ERGIC1: variants seen among roughly 807,000 people sequenced by gnomAD.
The protein encoded by ERGIC1 is endoplasmic reticulum-golgi intermediate compartment 1.
In ERGIC1, 19 loss-of-function variants were observed where a neutral mutation model predicts 38.3. That is an observed-to-expected ratio of 0.50 (90% CI 0.35 to 0.73). ERGIC1 has a LOEUF of 0.73. Among genes scored for constraint, ERGIC1 ranks in the 30% least tolerant of loss-of-function variants. ERGIC1 has a pLI of 0.01. For synonymous variants in ERGIC1, 124 were observed against 157.6 expected, an observed-to-expected ratio of 0.79 and a Z score of 1.60; for missense variants, 294 against 389.2, an observed-to-expected ratio of 0.76 and a Z score of 2.06.
intron 1 of ERGIC1, among the ~76,000 whole-genome samples, chr5:172,851,940 A>T (rs1406303360): frequency 5.3e-5 from 8 of 152,060 alleles, no homozygotes; most frequent in Non-Finnish European, 7.4e-5. Context: ...GTCCATCCCA[A>T]GTAGGAGATT....
chr5:172,941,233 T>G (rs1370052313), intron 9 of ERGIC1, among the ~76,000 whole-genome samples: 3 of 151,442 alleles, frequency 2.0e-5, no homozygotes, highest in Non-Finnish European at 4.4e-5. Context: ...GCCACTGCAC[T>G]CCAGCTCTGT....
Position 172,947,861 on chromosome 5 carries a change from G to T in ERGIC1, c.766-2848G>T, listed in dbSNP as rs555937821. 1.6e-3 allele frequency among the ~76,000 whole-genome samples: 233 copies of T among 148,274 alleles called. 1 individual carries two copies. Among genetic ancestry groups the T allele is most frequent in the African/African-American group, 5.6e-3 (226 of 40,104 alleles). On this transcript the variant is annotated intron_variant, in intron 9 of 9. Transcript: ENST00000393784. ...TTTGGGTTCCAAATTGTGTGTAGAT[G>T]AATACAGATGTGTTTTGTGTGTGTG...
chr5:172,926,424 G>A lies in ERGIC1; in HGVS notation c.481-85G>A. 6 of 1,458,764 alleles carry A rather than the reference G, an allele frequency of 4.1e-6. No individual in the cohort carries two copies. In the South Asian group the frequency reaches 6.8e-5, roughly 17 times the overall value. 90.4% of individuals were successfully genotyped at this position (1,458,764 alleles called of 1,614,324 possible). On this transcript the variant is annotated intron_variant, in intron 6 of 9. Transcript: ENST00000393784. This position sits in a 1 kb window ranked among gnomAD's most constrained non-coding sequence, Gnocchi z 5.2. ...CATTGGTAGGGTTCCTAGACCAGGT[G>A]GTACCTGGCCATCCCCCACAACCAG...
chr5:172,859,768 G>A (rs1326471020), intron 1 of ERGIC1, among the ~76,000 whole-genome samples: 3 of 152,200 alleles, frequency 2.0e-5, no homozygotes, highest in Non-Finnish European at 4.4e-5. Flanking sequence ...CTGCCCAGCT[G>A]TACACAGTGG....
chr5:172,942,018 T>G (rs185064629), intron 9 of ERGIC1, among the ~76,000 whole-genome samples: 1 of 152,078 alleles, frequency 6.6e-6, no homozygotes, highest in African/African-American at 2.4e-5. Flanking sequence ...CAGCCTAACA[T>G]GGTGAAACCC....
chr5:172,876,392 AAAAGTC>A (rs765381839), intron 1 of ERGIC1, among the ~76,000 whole-genome samples: 1 of 152,240 alleles, frequency 6.6e-6, no homozygotes, highest in Non-Finnish European at 1.5e-5. Flanking sequence ...TACCAAGAAA[AAAAGTC>A]AGAGTAAGTG....
At position 172,952,241 on chromosome 5, in the gene ERGIC1, C is replaced by T. The variant is rs1356084735; in HGVS notation, c.*1425C>T. ...TTTTAAAATTATCTTATGGATAGCT[C>T]AAGTCTCTGCCATTTGTAATTTTTG... On this transcript the variant is annotated 3_prime_UTR_variant, in exon 10 of 10. Transcript: ENST00000393784. 3.3e-5 allele frequency: 5 copies of T among 152,270 alleles called. No homozygotes were observed. In the East Asian group the frequency reaches 9.6e-4, roughly 29 times the overall value. 9.4% of individuals were successfully genotyped at this position (152,270 alleles called of 1,614,324 possible).
At chr5:172,900,688 A>G (rs1267758022) in intron 3 of ERGIC1, among the ~76,000 whole-genome samples, 1 of 150,904 alleles carries the variant, frequency 6.6e-6, no homozygotes, top group African/African-American at 2.4e-5. Flanking sequence ...CCAGCCTGGG[A>G]GACAGAGCGA....
At chr5:172,845,939 GTCGGTCCCTGT>G (rs1761273643) in intron 1 of ERGIC1, among the ~76,000 whole-genome samples, 3 of 152,244 alleles carry the variant, frequency 2.0e-5, no homozygotes, top group Middle Eastern at 6.8e-3. Context: ...CAGTTTCTCG[GTCGGTCCCTGT>G]TTTCTATGAC....
intron 3 of ERGIC1, 63 bp from the exon 4 acceptor site, chr5:172,909,604 C>T (rs1390143740): frequency 2.0e-5 from 29 of 1,466,430 alleles, no homozygotes; most frequent in African/African-American, 4.2e-5. Context: ...CCCCGGCTGT[C>T]CCCCGCAGCT....
At chr5:172,945,602 C>T (rs995605901) in intron 9 of ERGIC1, among the ~76,000 whole-genome samples, 4 of 152,180 alleles carry the variant, frequency 2.6e-5, no homozygotes, top group Non-Finnish European at 5.9e-5. Context: ...GATCAGGTTT[C>T]ATTTACTGAG....
At chr5:172,870,196 T>C (rs1032190583) in intron 1 of ERGIC1, among the ~76,000 whole-genome samples, 8 of 152,220 alleles carry the variant, frequency 5.3e-5, no homozygotes, top group African/African-American at 1.7e-4. Context: ...TTCCTTTGCT[T>C]TGCGTATTAT....
At chr5:172,848,067 C>G (rs1479624523) in intron 1 of ERGIC1, among the ~76,000 whole-genome samples, 1 of 152,154 alleles carries the variant, frequency 6.6e-6, no homozygotes, top group Admixed American at 6.5e-5. Flanking sequence ...GTAGTGCCAC[C>G]CTGAGGCTTT....
chr5:172,885,788 G>A (rs1054457083), intron 1 of ERGIC1, among the ~76,000 whole-genome samples: 12 of 152,070 alleles, frequency 7.9e-5, no homozygotes, highest in South Asian at 2.1e-4. Context: ...GACACGAGGC[G>A]GACCACATCC....
At chr5:172,884,794 T>C (rs559598561) in intron 1 of ERGIC1, among the ~76,000 whole-genome samples, 1 of 152,340 alleles carries the variant, frequency 6.6e-6, no homozygotes, top group East Asian at 1.9e-4. Flanking sequence ...TGGAAAGAGC[T>C]AGGAAATGTA....
chr5:172,878,815 C>T (rs1026198364), intron 1 of ERGIC1, among the ~76,000 whole-genome samples: 4 of 152,130 alleles, frequency 2.6e-5, no homozygotes, highest in Non-Finnish European at 4.4e-5. Flanking sequence ...CACGCATGCA[C>T]ACACATACAC....
At chr5:172,884,226 G>A (rs1013238080) in intron 1 of ERGIC1, among the ~76,000 whole-genome samples, 4 of 147,336 alleles carry the variant, frequency 2.7e-5, no homozygotes, top group Middle Eastern at 3.6e-3. Flanking sequence ...TCTATTCTTC[G>A]GCCAGTGGGA....
chr5:172,858,382 C>G (rs914765018), intron 1 of ERGIC1, among the ~76,000 whole-genome samples: 2 of 152,228 alleles, frequency 1.3e-5, no homozygotes, highest in African/African-American at 4.8e-5. Context: ...CAGATCCTCA[C>G]GAACTCTTGA....
intron 9 of ERGIC1, among the ~76,000 whole-genome samples, chr5:172,941,885 G>A (rs1268379219): frequency 6.6e-6 from 1 of 152,190 alleles, no homozygotes; most frequent in Admixed American, 6.5e-5. Context: ...CAAGTGCTGG[G>A]GGCAGGGAAG....
Sources: allele counts gnomAD v4.1 joint callset (sites outside exome capture counted in the v4.1 genomes callset), GRCh38; gene constraint gnomAD v4.1.1; non-coding constraint Gnocchi (gnomAD v3.1); transcripts MANE v1.5; gene names NCBI Gene and HGNC (gene_info 2026-07-23, HGNC 2026-07-21).